The following KCNT2 variants were observed in gnomAD, a reference collection of about 807,000 sequenced individuals.
The protein encoded by KCNT2 is potassium sodium-activated channel subfamily T member 2.
KCNT2 carries 67 observed loss-of-function variants against 153.8 expected under a neutral mutation model. The ratio of observed to expected loss-of-function variants is 0.44; its 90% CI spans 0.36 to 0.53. KCNT2 has a LOEUF of 0.53. KCNT2 is among the 20% of genes least tolerant of loss of function. KCNT2 has a pLI of 0.00. For missense variants in KCNT2, 975 were observed against 1,354.8 expected, an observed-to-expected ratio of 0.72 and a Z score of 4.40; for synonymous variants, 500 against 458.8, an observed-to-expected ratio of 1.09 and a Z score of -1.15.
intron 14 of KCNT2, among the ~76,000 whole-genome samples, chr1:196,359,501 T>A (rs1173424441): frequency 6.6e-6 from 1 of 152,016 alleles, no homozygotes; most frequent in Non-Finnish European, 1.5e-5. Context: ...ATCATCTCAA[T>A]CTTTAGTGCA....
intron 1 of KCNT2, among the ~76,000 whole-genome samples, chr1:196,600,874 G>A (rs892999816): frequency 2.0e-5 from 3 of 152,154 alleles, no homozygotes; most frequent in Admixed American, 2.0e-4. Context: ...AAGATGAGAA[G>A]GGACTTAAAG....
intron 13 of KCNT2, among the ~76,000 whole-genome samples, chr1:196,393,361 A>C (rs1434635705): frequency 1.3e-5 from 2 of 151,522 alleles, no homozygotes; most frequent in Admixed American, 1.3e-4. Flanking sequence ...GGGAAGATAG[A>C]GATATTGTGT....
At chr1:196,446,340 T>C (rs1236955627) in intron 8 of KCNT2, among the ~76,000 whole-genome samples, 1 of 151,518 alleles carries the variant, frequency 6.6e-6, no homozygotes, top group Non-Finnish European at 1.5e-5. Flanking sequence ...TAATTGTCTT[T>C]ATCTTCATTC....
At chr1:196,486,791 G>C (rs1253692160) in intron 3 of KCNT2, among the ~76,000 whole-genome samples, 1 of 151,620 alleles carries the variant, frequency 6.6e-6, no homozygotes, top group East Asian at 1.9e-4. Context: ...CAACCCCCCT[G>C]ACCATAATAT....
chr1:196,449,089 CAAAA>C (rs961428483), intron 8 of KCNT2, among the ~76,000 whole-genome samples: 21 of 151,420 alleles, frequency 1.4e-4, no homozygotes, highest in Admixed American at 4.0e-4. Flanking sequence ...AACAAACAAA[CAAAA>C]ATCCTGGGGA....
chr1:196,331,614 T>A (rs1276868530), intron 17 of KCNT2, among the ~76,000 whole-genome samples: 3 of 152,098 alleles, frequency 2.0e-5, no homozygotes, highest in African/African-American at 7.2e-5. Context: ...TGTATAGGTG[T>A]TTTTGTGCTT....
At chr1:196,593,390 A>G (rs1467892031) in intron 1 of KCNT2, among the ~76,000 whole-genome samples, 2 of 149,870 alleles carry the variant, frequency 1.3e-5, no homozygotes, top group African/African-American at 4.9e-5. Context: ...TTATCCACTC[A>G]TTGATTGAAG....
At chr1:196,379,974 A>G (rs899369809) in intron 13 of KCNT2, among the ~76,000 whole-genome samples, 1 of 152,208 alleles carries the variant, frequency 6.6e-6, no homozygotes, top group Non-Finnish European at 1.5e-5. Flanking sequence ...CAAAAGATAG[A>G]TTTCAATAAA....
At chr1:196,524,089 A>C (rs1653853631) in intron 1 of KCNT2, among the ~76,000 whole-genome samples, 1 of 122,136 alleles carries the variant, frequency 8.2e-6, no homozygotes, top group African/African-American at 3.1e-5. Flanking sequence ...TCAAATTGTA[A>C]TTCATAAACC....
chr1:196,479,840 C>T (rs1678858446), intron 4 of KCNT2, among the ~76,000 whole-genome samples: 2 of 152,200 alleles, frequency 1.3e-5, no homozygotes, highest in Admixed American at 1.3e-4. Context: ...AATGAAATAA[C>T]ACACACTTCA....
In KCNT2 at chr1:196,417,129, G is replaced by A. The variant is rs527636911; in HGVS notation, c.1185+5921C>T. 5.3e-5 allele frequency among the ~76,000 whole-genome samples: 8 copies of A among 152,010 alleles called. No homozygotes were observed. The East Asian group carries it at 1.2e-3, about 22-fold the overall frequency. On this transcript the variant is annotated intron_variant, in intron 12 of 27. Coordinates refer to ENST00000294725, the MANE Select transcript of KCNT2 (RefSeq NM_198503.5). ...TAGCAGAGGTCAGCAAACTATGAGGGCCTGGAGACCAAATCCAGCCTGCCA... is the reference window on the plus strand; with the variant it reads ...TAGCAGAGGTCAGCAAACTATGAGGACCTGGAGACCAAATCCAGCCTGCCA...
chr1:196,398,530 A>G (rs1411898380), intron 13 of KCNT2, 33 bp downstream of exon 13: 1 of 1,232,738 alleles, frequency 8.1e-7, no homozygotes, highest in Admixed American at 1.7e-5. Context: ...GTTTCAGGAA[A>G]TTCAATGGAT....
chr1:196,420,801 T>C (rs1392591211), intron 12 of KCNT2, among the ~76,000 whole-genome samples: 1 of 152,092 alleles, frequency 6.6e-6, no homozygotes, highest in Non-Finnish European at 1.5e-5. Flanking sequence ...CCCTTAATTT[T>C]AGCATGGTGC....
intron 26 of KCNT2, among the ~76,000 whole-genome samples, chr1:196,242,535 C>T (rs145458533): frequency 6.6e-6 from 1 of 152,126 alleles, no homozygotes; most frequent in Admixed American, 6.5e-5. Flanking sequence ...TCCAATTTTG[C>T]AGCTCTCCTG....
chr1:196,485,740 A>G (rs1340617914), intron 3 of KCNT2, among the ~76,000 whole-genome samples: 2 of 151,974 alleles, frequency 1.3e-5, no homozygotes, highest in Non-Finnish European at 2.9e-5. Flanking sequence ...GGATAAATAC[A>G]TAGAAGGAAA....
Position 196,438,500 on chromosome 1 carries a change from T to C in KCNT2, c.639-8743A>G, listed in dbSNP as rs1674930761. On this transcript the variant is annotated intron_variant, in intron 8 of 27. Coordinates refer to ENST00000294725, the MANE Select transcript of KCNT2 (RefSeq NM_198503.5). ...TAGAAGGCTCCAAAAAAAGAAGAGT[T>C]AGGCAATTTGCAAAGTAAACCCATA... is the stretch of plus-strand genomic sequence containing the variant. Among the ~76,000 whole-genome samples the C allele has an allele frequency of 3.9e-5, 6 of 151,924 alleles. No individual in the cohort carries two copies. The South Asian group carries it at 1.2e-3, about 31-fold the overall frequency.
chr1:196,317,948 T>A (rs1043185223), intron 20 of KCNT2, among the ~76,000 whole-genome samples: 24 of 151,886 alleles, frequency 1.6e-4, no homozygotes, highest in African/African-American at 5.5e-4. Context: ...TTTTAATTAT[T>A]TTCTGCTTTA....
At chr1:196,528,934 AT>A (rs1654591816) in intron 1 of KCNT2, among the ~76,000 whole-genome samples, 1 of 152,156 alleles carries the variant, frequency 6.6e-6, no homozygotes, top group Non-Finnish European at 1.5e-5. Context: ...GCTTATGATT[AT>A]GCTATACATA....
At chr1:196,332,953 T>C (rs2148112451) in intron 17 of KCNT2, among the ~76,000 whole-genome samples, 1 of 151,834 alleles carries the variant, frequency 6.6e-6, no homozygotes, top group East Asian at 1.9e-4. Flanking sequence ...CCTAGCTAAT[T>C]TTTATATTTT....
Sources: gnomAD v4.1 joint callset for allele counts (sites outside exome capture counted in the v4.1 genomes callset) on GRCh38, gnomAD v4.1.1 for gene constraint, MANE v1.5 for transcripts, NCBI Gene and HGNC (gene_info 2026-07-23, HGNC 2026-07-21) for gene names.